BOLL: variants seen among roughly 807,000 people sequenced by gnomAD.
BOLL encodes the protein boule RNA binding protein.
In BOLL, 23 loss-of-function variants were observed where a neutral mutation model predicts 44.4. The observed-to-expected ratio is 0.52, with a 90% confidence interval of 0.37 to 0.73. The LOEUF is 0.73. Ranked by LOEUF, BOLL falls within the 30% of genes least tolerant of loss-of-function variation. The probability of loss-of-function intolerance (pLI) is 0.00; values close to 1 mark genes in which losing one functional copy is unlikely to be tolerated. For synonymous variants in BOLL, 97 were observed against 110.8 expected (o/e 0.88, Z 0.78); for missense variants, 287 against 338.3 (o/e 0.85, Z 1.19).
At chr2:197,741,056 A>G (rs1000030694) in intron 10 of BOLL, among the ~76,000 whole-genome samples, 8 of 152,098 alleles carry the variant, frequency 5.3e-5, no homozygotes, top group Non-Finnish European at 7.4e-5. Flanking sequence ...CATTGAATCT[A>G]TAAATTACCT....
intron 10 of BOLL, among the ~76,000 whole-genome samples, chr2:197,740,704 A>G (rs1294357898): frequency 6.6e-6 from 1 of 152,170 alleles, no homozygotes; most frequent in African/African-American, 2.4e-5. Flanking sequence ...ATAGAAAGTA[A>G]ATTAGAGGTT....
At position 197,746,057 on chromosome 2, in the gene BOLL, G is replaced by C. The variant is rs138785445; in HGVS notation, c.730-2898C>G. On this transcript the variant is annotated intron_variant, in intron 9 of 10. Coordinates refer to ENST00000392296, the MANE Select transcript of BOLL (RefSeq NM_033030.6). ...TTACCTGAGGAATACTGCTGGAGGT[G>C]AAGCAGGGAGAAAGTGGGAAAGGAA... Among the ~76,000 whole-genome samples, 359 of 152,326 alleles carry C rather than the reference G, an allele frequency of 2.4e-3. 2 individuals carry two copies. Among genetic ancestry groups the C allele is most frequent in the African/African-American group, 8.2e-3 (340 of 41,576 alleles).
chr2:197,778,318 A>G (rs1017948524), intron 3 of BOLL, among the ~76,000 whole-genome samples: 1 of 151,900 alleles, frequency 6.6e-6, no homozygotes, highest in Non-Finnish European at 1.5e-5. Context: ...TAAATACAAT[A>G]CTTTACTGCC....
At chr2:197,752,186 C>T (rs1218966714) in intron 9 of BOLL, among the ~76,000 whole-genome samples, 1 of 152,124 alleles carries the variant, frequency 6.6e-6, no homozygotes, top group Non-Finnish European at 1.5e-5. Flanking sequence ...AAACGAATAG[C>T]CAATATCATA....
intron 10 of BOLL, among the ~76,000 whole-genome samples, chr2:197,735,145 G>T (rs1687425277): frequency 6.6e-6 from 1 of 151,986 alleles, no homozygotes; most frequent in Non-Finnish European, 1.5e-5. Flanking sequence ...AGATCAAGGG[G>T]AAATGTGATC....
intron 6 of BOLL, among the ~76,000 whole-genome samples, chr2:197,769,428 G>T (rs1180352124): frequency 2.0e-5 from 3 of 151,954 alleles, no homozygotes; most frequent in Non-Finnish European, 2.9e-5. Flanking sequence ...ATTTCTTCTA[G>T]ATTTTCTAGT....
chr2:197,750,349 G>T (rs190711000), intron 9 of BOLL, among the ~76,000 whole-genome samples: 32 of 152,236 alleles, frequency 2.1e-4, no homozygotes, highest in Middle Eastern at 3.4e-3. Flanking sequence ...GACACAGACT[G>T]GCAAATTGGA....
At chr2:197,768,065 G>A (rs1006875314) in intron 6 of BOLL, among the ~76,000 whole-genome samples, 1 of 151,976 alleles carries the variant, frequency 6.6e-6, no homozygotes, top group African/African-American at 2.4e-5. Flanking sequence ...TATCACTATT[G>A]AAAAATCAAG....
rs760862723 is a variant in BOLL at position 197,757,357 on chromosome 2, G to A, written c.596C>T (p.Pro199Leu). 6.2e-7 allele frequency: 1 copy of A among 1,608,420 alleles called. No homozygotes were observed. Among genetic ancestry groups the A allele is most frequent in the Non-Finnish European group, 8.5e-7 (1 of 1,176,732 alleles). ...ATATTGAAAGTTAACATTTACCTGA[G>A]GAACACTCCACTGCCACTGTCCTGG... ...YLPGQWQWSV[P>L]QPSASSAPFL... Residue 199 changes from proline to leucine, a missense_variant, in exon 8 of 11, where the codon CCT (proline) becomes CTT (leucine). Coordinates refer to ENST00000392296, the MANE Select transcript of BOLL (RefSeq NM_033030.6).
At chr2:197,772,791 G>A (rs1469207315) in intron 5 of BOLL, among the ~76,000 whole-genome samples, 2 of 151,974 alleles carry the variant, frequency 1.3e-5, no homozygotes, top group Non-Finnish European at 2.9e-5. Context: ...TAACCAGCAA[G>A]GTTATATAAA....
At chr2:197,754,774 CACACACACACACAA>C (rs2106346790) in intron 9 of BOLL, among the ~76,000 whole-genome samples, 1 of 99,774 alleles carries the variant, frequency 1.0e-5, no homozygotes, top group South Asian at 3.3e-4. Flanking sequence ...CACACACACA[CACACACACACACAA>C]ACCATAGAAG....
At chr2:197,734,503 C>CACAT (rs1687377621) in intron 10 of BOLL, among the ~76,000 whole-genome samples, 18 of 150,428 alleles carry the variant, frequency 1.2e-4, no homozygotes, top group Admixed American at 2.7e-4. Flanking sequence ...GATATAAAGA[C>CACAT]GCACACGTAT....
intron 7 of BOLL, chr2:197,759,089 C>T (rs1471056857): frequency 1.9e-6 from 2 of 1,054,512 alleles, no homozygotes; most frequent in Admixed American, 2.2e-5. Flanking sequence ...GCTCCCCACC[C>T]CGCCACAAGA....
upstream of BOLL, chr2:197,785,479 G>GC: frequency 1.3e-6 from 1 of 771,188 alleles, no homozygotes; most frequent in Non-Finnish European, 1.6e-6. This position sits in a 1 kb window ranked among gnomAD's most constrained non-coding sequence, Gnocchi z 6.7. Flanking sequence ...CAGGGCTAGA[G>GC]TGTCCGGGTC....
At chr2:197,752,673 A>C (rs531508229) in intron 9 of BOLL, among the ~76,000 whole-genome samples, 15 of 152,342 alleles carry the variant, frequency 9.8e-5, no homozygotes, top group Admixed American at 7.2e-4. Context: ...CAAATGGAAA[A>C]ACATTCCATG....
At position 197,759,091 on chromosome 2, in the gene BOLL, G is replaced by A. The variant is rs1175432153; in HGVS notation, c.553-1691C>T. 7 of 1,044,444 alleles carry A rather than the reference G, an allele frequency of 6.7e-6. No individual in the cohort carries two copies. In the East Asian group the frequency reaches 1.0e-4, roughly 16 times the overall value. The allele number at this position is 1,044,444 out of a possible 1,614,324, so 64.7% of individuals were successfully genotyped here. On this transcript the variant is annotated intron_variant, in intron 7 of 10. Coordinates refer to ENST00000392296, the MANE Select transcript of BOLL (RefSeq NM_033030.6). ...TCATTTTCCACTGGCTCCCCACCCC[G>A]CCACAAGAAAAGACTAAGGCAAAGA...
At chr2:197,749,122 C>G (rs1463439814) in intron 9 of BOLL, among the ~76,000 whole-genome samples, 1 of 152,214 alleles carries the variant, frequency 6.6e-6, no homozygotes, top group Non-Finnish European at 1.5e-5. Flanking sequence ...CCAGCAAACT[C>G]CTACAGACCT....
chr2:197,785,462 G>A, upstream of BOLL: 3 of 853,248 alleles, frequency 3.5e-6, no homozygotes, highest in Non-Finnish European at 4.2e-6. This position sits in a 1 kb window ranked among gnomAD's most constrained non-coding sequence, Gnocchi z 6.7. Flanking sequence ...TGGCTTGGGT[G>A]CACAGCCAGG....
chr2:197,756,519 G>T lies in BOLL; in HGVS notation c.638C>A (p.Pro213His). The change falls in exon 9 of 11, where the codon CCT (proline) becomes CAT (histidine). Residue 213 changes from proline (P) to histidine (H), a missense_variant. Pro to His is a moderately conservative substitution (Grantham distance 77, BLOSUM62 -2). Transcript: ENST00000392296. ...CACTGGTTGATAAATAACCTCAGAA[G>T]GTTGCAGGTATAAGAATGGAGCAGA... ...ASSAPFLYLQ[P>H]SEVIYQPVEI... The T allele has an allele frequency of 6.2e-7, 1 of 1,612,066 alleles. No homozygotes were observed. Among genetic ancestry groups the T allele is most frequent in the East Asian group, 2.2e-5 (1 of 44,766 alleles).
Sources: gnomAD v4.1 joint callset for allele counts (sites outside exome capture counted in the v4.1 genomes callset) on GRCh38, gnomAD v4.1.1 for gene constraint, Gnocchi (gnomAD v3.1) non-coding constraint, MANE v1.5 for transcripts, NCBI Gene and HGNC (gene_info 2026-07-23, HGNC 2026-07-21) for gene names.